Variants in UBFD1 observed in about 807,000 individuals in gnomAD.
UBFD1 encodes the protein ubiquitin domain-containing protein UBFD1.
UBFD1 carries 12 observed loss-of-function variants against 35.1 expected under a neutral mutation model. The observed-to-expected ratio is 0.34, with a 90% CI of 0.22 to 0.55. The LOEUF (loss-of-function observed/expected upper bound fraction) is 0.55. Among genes scored for constraint, UBFD1 ranks in the 20% least tolerant of loss-of-function variants. The probability of loss-of-function intolerance (pLI) is 0.89; values close to 1 mark genes in which losing one functional copy is unlikely to be tolerated. For missense variants in UBFD1, 337 were observed against 410.8 expected (o/e 0.82, Z 1.55); for synonymous variants, 178 against 167.6 (o/e 1.06, Z -0.48).
chr16:23,562,657 G>A lies in UBFD1; in HGVS notation c.663G>A (p.Met221Ile), dbSNP rs986119625. Residue 221 changes from methionine (M) to isoleucine (I), a missense_variant, in exon 5 of 7, where the codon ATG becomes ATA. Met to Ile is a conservative substitution (Grantham distance 10). Around this residue, in one of 4 missense-constraint regions of UBFD1, gnomAD observed 71 missense variants for 149.6 expected, o/e 0.47. Transcript: ENST00000395878. ...TGCCAACGGTACCGCTGTCCGGCAT[G>A]TACAATAAATCTGGAGGAAAAGTGA... ...ERLPTVPLSGMYNKSGGKVRL... is the reference protein window; with the variant it reads ...ERLPTVPLSGIYNKSGGKVRL... 1 of 1,614,048 alleles carries A rather than the reference G, an allele frequency of 6.2e-7. No homozygotes were observed. The highest frequency in any genetic ancestry group is 1.3e-5 in the African/African-American group (1 of 74,928).
intron 5 of UBFD1, chr16:23,565,319 C>T (rs1965995206): frequency 6.6e-6 from 1 of 152,190 alleles, no homozygotes; most frequent in South Asian, 2.1e-4. Context: ...TTCTAACAGC[C>T]TCAAAAGAAT....
chr16:23,573,916 C>CT lies in UBFD1; in HGVS notation c.*3327dup, dbSNP rs1408421194. ...CCATCTGCTGAGGGAGCCCTCTCCT[C>CT]TCGCTCCTTGCCTCTGTTCACACCT... On this transcript the variant is annotated 3_prime_UTR_variant, in exon 7 of 7. Coordinates refer to ENST00000395878, the MANE Select transcript of UBFD1 (RefSeq NM_019116.3). The CT allele has an allele frequency of 3.9e-5, 6 of 152,404 alleles. No individual in the cohort carries two copies. In the East Asian group the frequency reaches 1.2e-3, roughly 29 times the overall value. The allele number at this position is 152,404 out of a possible 1,614,324, so 9.4% of individuals were successfully genotyped here. A position where few individuals can be genotyped will look rare whatever the true frequency, so the allele number is the denominator to read the frequency against.
rs1269867746 is a variant in UBFD1, at chr16:23,566,990, G to T, written c.740G>T (p.Arg247Leu). ...QDQLWIGTKE[R>L]TEKLPMGSIK... ...ACTGTAATCCCTCTCAACTTAGAGC[G>T]GACTGAGAAATTGCCCATGGGCTCC... Residue 247 changes from arginine to leucine, a missense_variant, in exon 6 of 7, where the codon CGG becomes CTG. This residue lies in a region of UBFD1 where 71 missense variants were observed against 149.6 expected (regional missense o/e 0.47). Coordinates refer to ENST00000395878, the MANE Select transcript of UBFD1 (RefSeq NM_019116.3). The T allele has an allele frequency of 1.2e-6, 2 of 1,614,098 alleles. No individual in the cohort carries two copies. Among genetic ancestry groups the T allele is most frequent in the East Asian group, 4.5e-5 (2 of 44,888 alleles).
chr16:23,573,319 C>CTCCTGAGGGCTTCTTTG lies in UBFD1; in HGVS notation c.*2732_*2748dup, dbSNP rs1278312867. On this transcript the variant is annotated 3_prime_UTR_variant, in exon 7 of 7. Coordinates refer to ENST00000395878, the MANE Select transcript of UBFD1 (RefSeq NM_019116.3). The stretch of plus-strand genomic sequence containing the variant: ...TTAGACATTGGACACCTCTCAGAGC[C>CTCCTGAGGGCTTCTTTG]TCCTGAGGGCTTCTTTGTCTTCTAG... The CTCCTGAGGGCTTCTTTG allele has an allele frequency of 6.6e-6, 1 of 152,232 alleles. No individual in the cohort carries two copies. Among genetic ancestry groups the CTCCTGAGGGCTTCTTTG allele is most frequent in the East Asian group, 1.9e-4 (1 of 5,190 alleles). 9.4% of individuals were successfully genotyped at this position (152,232 alleles called of 1,614,324 possible). A position where few individuals can be genotyped will look rare whatever the true frequency, so the allele number is the denominator to read the frequency against.
At chr16:23,564,502 TC>T (rs1434975147) in intron 5 of UBFD1, 1 of 152,372 alleles carries the variant, frequency 6.6e-6, no homozygotes, top group Non-Finnish European at 1.5e-5. Context: ...AGCCTGTCCA[TC>T]TTCCCTTTAT....
Position 23,558,378 on chromosome 16 carries a change from C to T in UBFD1, c.355+99C>T, listed in dbSNP as rs554763844. 4.1e-4 allele frequency: 595 copies of T among 1,437,062 alleles called. 8 individuals carry two copies. The South Asian group carries it at 7.4e-3, about 18-fold the overall frequency. The allele number at this position is 1,437,062 out of a possible 1,614,324, so 89.0% of individuals were successfully genotyped here. On this transcript the variant is annotated intron_variant, in intron 2 of 6. Transcript: ENST00000395878. Reference sequence around the variant, plus strand: ...TGGTGGCTTTCCTTGCATCAGGTCCCCCCATCCTTACAGCAGTCTTCTGAA... The same window carrying T: ...TGGTGGCTTTCCTTGCATCAGGTCCTCCCATCCTTACAGCAGTCTTCTGAA...
rs773671183 is a variant in UBFD1, at chr16:23,574,167, TTC to T, written c.*3579_*3580del. 3 of 152,432 alleles carry T rather than the reference TTC, an allele frequency of 2.0e-5. No homozygotes were observed. The highest frequency in any genetic ancestry group is 4.4e-5 in the Non-Finnish European group (3 of 68,008). The allele number at this position is 152,432 out of a possible 1,614,324, so 9.4% of individuals were successfully genotyped here. A position where few individuals can be genotyped will look rare whatever the true frequency, so the allele number is the denominator to read the frequency against. On this transcript the variant is annotated 3_prime_UTR_variant, in exon 7 of 7. Coordinates refer to ENST00000395878, the MANE Select transcript of UBFD1 (RefSeq NM_019116.3). ...AGAACCTTTTTTTTTTCTTAAAGAGTTCTGCTGAATTATTTGACAATATTTGT... is the reference window on the plus strand; with the variant it reads ...AGAACCTTTTTTTTTTCTTAAAGAGTTGCTGAATTATTTGACAATATTTGT...
In UBFD1 at chr16:23,571,106, C is replaced by T. The variant is rs1307353333; in HGVS notation, c.*516C>T. ...GGTTAGTAAGCCACATATTTCTGTC[C>T]ATTGATTCAGATTTAATTCTTTCCC... On this transcript the variant is annotated 3_prime_UTR_variant, in exon 7 of 7. Transcript: ENST00000395878. 2 of 152,282 alleles carry T rather than the reference C, an allele frequency of 1.3e-5. No individual in the cohort carries two copies. The highest frequency in any genetic ancestry group is 2.4e-5 in the African/African-American group (1 of 41,354). 9.4% of individuals were successfully genotyped at this position (152,282 alleles called of 1,614,324 possible).
chr16:23,567,015 C>T lies in UBFD1; in HGVS notation c.765C>T (p.Ser255=), dbSNP rs1966020446. The T allele has an allele frequency of 6.2e-7, 1 of 1,614,170 alleles. No individual in the cohort carries two copies. ...KERTEKLPMG[S]IKNVVSEPIE... is the part of the protein sequence containing the mutation. ...GGACTGAGAAATTGCCCATGGGCTC[C>T]ATAAAAAATGTGGTCAGTGAACCTA... Residue 255 remains serine (S), a synonymous_variant, in exon 6 of 7, where the codon TCC becomes TCT. Coordinates refer to ENST00000395878, the MANE Select transcript of UBFD1 (RefSeq NM_019116.3).
intron 2 of UBFD1, 60 bp from the exon 3 acceptor site, chr16:23,559,408 T>C: frequency 6.8e-7 from 1 of 1,463,260 alleles, no homozygotes; most frequent in Non-Finnish European, 9.4e-7. Flanking sequence ...AGCTGTGTAG[T>C]ATCCATACAT....
Position 23,558,017 on chromosome 16 carries a change from C to T in UBFD1, c.93C>T (p.Val31=), listed in dbSNP as rs1031335626. Residue 31 remains valine, a synonymous_variant, in exon 2 of 7, where the codon GTC becomes GTT. Transcript: ENST00000395878. ...CTACTGAGGCTCCCGCGCGGCCCGT[C>T]AACTGCCTGGAGGCTGAAGCCGCGG... ...TVATEAPARP[V]NCLEAEAAAG... 9 of 1,358,830 alleles carry T rather than the reference C, an allele frequency of 6.6e-6. No homozygotes were observed. The highest frequency in any genetic ancestry group is 3.0e-5 in the African/African-American group (2 of 65,632). 84.2% of individuals were successfully genotyped at this position (1,358,830 alleles called of 1,614,324 possible). A position where few individuals can be genotyped will look rare whatever the true frequency, so the allele number is the denominator to read the frequency against.
intron 2 of UBFD1, 106 bp downstream of exon 2, chr16:23,558,385 C>T (rs1965861587): frequency 7.3e-7 from 1 of 1,374,978 alleles, no homozygotes; most frequent in Non-Finnish European, 9.8e-7. Flanking sequence ...TCCCCCCATC[C>T]TTACAGCAGT....
At chr16:23,565,048 C>T (rs1965990700) in intron 5 of UBFD1, 2 of 152,276 alleles carry the variant, frequency 1.3e-5, no homozygotes, top group Admixed American at 1.3e-4. Context: ...AGCACTGTAC[C>T]TCTGGAGCCC....
chr16:23,557,754 C>A lies in UBFD1; in HGVS notation c.12C>A (p.Ala4=), dbSNP rs906892386. 1.5e-6 allele frequency: 2 copies of A among 1,303,034 alleles called. No individual in the cohort carries two copies. The highest frequency in any genetic ancestry group is 1.5e-5 in the African/African-American group (1 of 65,100). 80.7% of individuals were successfully genotyped at this position (1,303,034 alleles called of 1,614,324 possible). A position where few individuals can be genotyped will look rare whatever the true frequency, so the allele number is the denominator to read the frequency against. MAA[A]GAPDGMEEPG... ...TGTACACAATCATCATGGCGGCGGC[C>A]GGGGCCCCGGATGGTGAGTGCGGCG... The change falls in exon 1 of 7, where the codon GCC becomes GCA. Residue 4 remains alanine, a synonymous_variant. Transcript: ENST00000395878.
chr16:23,558,135 G>A lies in UBFD1; in HGVS notation c.211G>A (p.Val71Ile), dbSNP rs866691217. 1.4e-5 allele frequency: 22 copies of A among 1,603,358 alleles called. No homozygotes were observed. Among genetic ancestry groups the A allele is most frequent in the Middle Eastern group, 1.7e-4 (1 of 6,026 alleles). ...PPGDPAAQAS[V>I]SNGEDAGGGA... ...TGGGGACCCCGCAGCCCAGGCCTCGGTCAGCAACGGCGAAGACGCGGGCGG... is the reference window on the plus strand; with the variant it reads ...TGGGGACCCCGCAGCCCAGGCCTCGATCAGCAACGGCGAAGACGCGGGCGG... Residue 71 changes from valine (V) to isoleucine (I), a missense_variant, in exon 2 of 7, where the codon GTC becomes ATC. Coordinates refer to ENST00000395878, the MANE Select transcript of UBFD1 (RefSeq NM_019116.3).
At chr16:23,559,825 A>G in intron 3 of UBFD1, 149 bp downstream of exon 3, 1 of 1,541,468 alleles carries the variant, frequency 6.5e-7, no homozygotes, top group Non-Finnish European at 8.7e-7. Context: ...CGCAGAGTGG[A>G]GGTGACAACT....
At chr16:23,568,258 C>G (rs867512122) in intron 6 of UBFD1, among the ~76,000 whole-genome samples, 1 of 147,764 alleles carries the variant, frequency 6.8e-6, no homozygotes, top group Non-Finnish European at 1.5e-5. Flanking sequence ...CTCCCAGGTT[C>G]AGGCGATTCT....
chr16:23,563,154 C>G (rs553186803), intron 5 of UBFD1, among the ~76,000 whole-genome samples: 87 of 151,562 alleles, frequency 5.7e-4, no homozygotes, highest in Middle Eastern at 3.4e-3. Context: ...CACATGGCAT[C>G]GATCCACTAG....
At chr16:23,567,121 T>A in intron 6 of UBFD1, 52 bp downstream of exon 6, 1 of 1,550,426 alleles carries the variant, frequency 6.4e-7, no homozygotes. Flanking sequence ...CCACTTCACC[T>A]GGCAGGGAAC....
Sources: allele counts gnomAD v4.1 joint callset (sites outside exome capture counted in the v4.1 genomes callset), GRCh38; gene constraint gnomAD v4.1.1; regional missense constraint gnomAD v4.1.1; transcripts MANE v1.5; gene names NCBI Gene and HGNC (gene_info 2026-07-23, HGNC 2026-07-21).